The following THSD4 variants were observed in gnomAD, a reference collection of about 807,000 sequenced individuals.
THSD4 encodes thrombospondin type 1 domain containing 4.
THSD4 carries 69 observed loss-of-function variants against 119.0 expected under a neutral mutation model. The observed-to-expected ratio is 0.58, with a 90% CI of 0.48 to 0.71. The LOEUF (loss-of-function observed/expected upper bound fraction) is 0.71. Among genes scored for constraint, THSD4 ranks in the 30% least tolerant of loss-of-function variants. The probability of loss-of-function intolerance (pLI) is 0.00; values close to 1 mark genes in which losing one functional copy is unlikely to be tolerated. For synonymous variants in THSD4, 524 were observed against 540.4 expected (o/e 0.97, Z 0.42); for missense variants, 1,393 against 1,391.1 (o/e 1.00, Z -0.02).
chr15:71,701,453 C>G (rs902654244), intron 8 of THSD4, among the ~76,000 whole-genome samples: 1 of 152,054 alleles, frequency 6.6e-6, no homozygotes, highest in African/African-American at 2.4e-5. Context: ...CTTGATTTAG[C>G]AAAATAGTCA....
chr15:71,282,391 GA>G (rs1445893466), intron 6 of THSD4, among the ~76,000 whole-genome samples: 1 of 140,678 alleles, frequency 7.1e-6, no homozygotes, highest in Non-Finnish European at 1.5e-5. Context: ...ATAGTTGTAA[GA>G]AATAAAATTT....
intron 6 of THSD4, among the ~76,000 whole-genome samples, chr15:71,272,429 AAGTGGGG>A (rs1167986782): frequency 6.8e-6 from 1 of 147,726 alleles, no homozygotes; most frequent in Non-Finnish European, 1.5e-5. Flanking sequence ...AAAAAGAAAG[AAGTGGGG>A]AGGGAGGGGC....
chr15:71,688,662 G>A (rs186978630), intron 8 of THSD4, among the ~76,000 whole-genome samples: 27 of 142,376 alleles, frequency 1.9e-4, no homozygotes, highest in African/African-American at 6.8e-4. Flanking sequence ...GTTTTGTTTT[G>A]TTTTTTTCTT....
At chr15:71,703,935 T>C (rs1050766233) in intron 8 of THSD4, among the ~76,000 whole-genome samples, 2 of 152,178 alleles carry the variant, frequency 1.3e-5, no homozygotes, top group African/African-American at 4.8e-5. Context: ...CCGCAGGCTC[T>C]GCCTCCCGGG....
chr15:71,390,460 T>C (rs1468391104), intron 6 of THSD4, among the ~76,000 whole-genome samples: 1 of 152,222 alleles, frequency 6.6e-6, no homozygotes, highest in African/African-American at 2.4e-5. Context: ...ATAGATAAGC[T>C]GTGGCAAGTT....
At chr15:71,108,522 G>A (rs1277538282) in intron 1 of THSD4, among the ~76,000 whole-genome samples, 10 of 152,212 alleles carry the variant, frequency 6.6e-5, no homozygotes, top group Admixed American at 5.2e-4. Flanking sequence ...CTGACAGCCT[G>A]AAGCCCCTGG....
At chr15:71,305,827 C>G (rs2045016014) in intron 6 of THSD4, among the ~76,000 whole-genome samples, 4 of 152,166 alleles carry the variant, frequency 2.6e-5, no homozygotes, top group Non-Finnish European at 5.9e-5. Context: ...CAGGCCTCCC[C>G]TTATAGCCCA....
At chr15:71,240,263 G>C (rs1391401889) in intron 4 of THSD4, among the ~76,000 whole-genome samples, 1 of 152,188 alleles carries the variant, frequency 6.6e-6, no homozygotes, top group Non-Finnish European at 1.5e-5. Context: ...GTGAGCTCCA[G>C]CAGGGCAGCC....
intron 6 of THSD4, among the ~76,000 whole-genome samples, chr15:71,336,294 C>A (rs967375960): frequency 6.6e-6 from 1 of 152,208 alleles, no homozygotes; most frequent in Admixed American, 6.5e-5. Flanking sequence ...ATAACAAATA[C>A]ATTAATACCC....
At chr15:71,462,677 A>C (rs1365890779) in intron 7 of THSD4, among the ~76,000 whole-genome samples, 1 of 152,192 alleles carries the variant, frequency 6.6e-6, no homozygotes, top group Non-Finnish European at 1.5e-5. Context: ...ACCAAATGTG[A>C]AATTTCTTCA....
At chr15:71,634,510 C>T (rs1481294206) in intron 7 of THSD4, among the ~76,000 whole-genome samples, 1 of 152,214 alleles carries the variant, frequency 6.6e-6, no homozygotes, top group Non-Finnish European at 1.5e-5. Context: ...AATGCCATGT[C>T]CACTTTGGCT....
At chr15:71,379,180 GT>G (rs1348355181) in intron 6 of THSD4, among the ~76,000 whole-genome samples, 1 of 150,618 alleles carries the variant, frequency 6.6e-6, no homozygotes, top group Non-Finnish European at 1.5e-5. Context: ...GGTGGGGAGG[GT>G]TTCTTTAGCT....
intron 7 of THSD4, among the ~76,000 whole-genome samples, chr15:71,654,358 T>C (rs1431125444): frequency 6.6e-6 from 1 of 152,226 alleles, no homozygotes; most frequent in South Asian, 2.1e-4. Flanking sequence ...TGTTAGAAGA[T>C]TTTAATGAGA....
chr15:71,735,694 G>GTCTCTGTCTCTCTTGC (rs1255194731), intron 10 of THSD4, among the ~76,000 whole-genome samples: 4 of 132,758 alleles, frequency 3.0e-5, no homozygotes, highest in African/African-American at 5.8e-5. Context: ...TTCTGTCTCT[G>GTCTCTGTCTCTCTTGC]TCTCTGTCTC....
chr15:71,482,415 C>A (rs916965530), intron 7 of THSD4, among the ~76,000 whole-genome samples: 3 of 151,696 alleles, frequency 2.0e-5, no homozygotes, highest in African/African-American at 7.3e-5. Flanking sequence ...CTCAGCCTCC[C>A]GAGTAGCTGG....
intron 3 of THSD4, among the ~76,000 whole-genome samples, chr15:71,204,656 G>A (rs1044786059): frequency 6.6e-6 from 1 of 152,136 alleles, no homozygotes; most frequent in Non-Finnish European, 1.5e-5. Context: ...CTTGGGACCA[G>A]CCTGCAGGGT....
chr15:71,401,872 A>G (rs2046537659), intron 6 of THSD4, among the ~76,000 whole-genome samples: 1 of 152,204 alleles, frequency 6.6e-6, no homozygotes, highest in African/African-American at 2.4e-5. Flanking sequence ...TCAATGATAG[A>G]CTGGATTAAG....
chr15:71,554,038 T>C lies in THSD4; in HGVS notation c.1153-106492T>C, dbSNP rs941441807. Among the ~76,000 whole-genome samples, 3 of 151,970 alleles carry C rather than the reference T, an allele frequency of 2.0e-5. No homozygotes were observed. The South Asian group carries it at 6.2e-4, about 32-fold the overall frequency. On this transcript the variant is annotated intron_variant, in intron 7 of 17. Transcript: ENST00000261862. ...AATCAATTCTGAAGTCTTTCATCTT[T>C]TTGTATGCTTTGAAACAGTTTTGTT...
intron 8 of THSD4, among the ~76,000 whole-genome samples, chr15:71,668,393 T>C (rs1305141714): frequency 6.6e-6 from 1 of 150,984 alleles, no homozygotes. Flanking sequence ...GCAGAGGGGG[T>C]CTGGGATGAG....
Sources: allele counts gnomAD v4.1 joint callset (sites outside exome capture counted in the v4.1 genomes callset), GRCh38; gene constraint gnomAD v4.1.1; transcripts MANE v1.5; gene names NCBI Gene and HGNC (gene_info 2026-07-23, HGNC 2026-07-21).